RMND5A: variants seen among roughly 807,000 people sequenced by gnomAD.
RMND5A encodes the protein required for meiotic nuclear division 5 homolog A.
RMND5A carries 17 observed loss-of-function variants against 49.7 expected under a neutral mutation model. The ratio of observed to expected loss-of-function variants is 0.34; its 90% CI spans 0.23 to 0.51. The LOEUF (loss-of-function observed/expected upper bound fraction) is 0.51, where lower values mean the gene tolerates loss of function less well. RMND5A is among the 20% of genes least tolerant of loss of function. RMND5A has a pLI of 0.96. For missense variants in RMND5A, 255 were observed against 471.3 expected (o/e 0.54, Z 4.25); for synonymous variants, 156 against 167.7 (o/e 0.93, Z 0.54).
chr2:86,758,895 G>T (rs1247653851), intron 4 of RMND5A, among the ~76,000 whole-genome samples: 1 of 152,134 alleles, frequency 6.6e-6, no homozygotes, highest in Non-Finnish European at 1.5e-5. Context: ...TTAAGCATTT[G>T]ATTCATGTTA....
intron 2 of RMND5A, among the ~76,000 whole-genome samples, chr2:86,750,730 G>A (rs774913534): frequency 6.7e-5 from 10 of 148,388 alleles, no homozygotes; most frequent in African/African-American, 1.7e-4. Context: ...TGACACACAC[G>A]TTAGAGCTTT....
intron 1 of RMND5A, among the ~76,000 whole-genome samples, chr2:86,729,224 A>G (rs868088619): frequency 2.4e-4 from 37 of 152,360 alleles, no homozygotes; most frequent in African/African-American, 8.2e-4. Flanking sequence ...GACCAGACTC[A>G]TATTTGAAAG....
chr2:86,755,488 A>G (rs1681718177), intron 4 of RMND5A, among the ~76,000 whole-genome samples: 4 of 152,192 alleles, frequency 2.6e-5, no homozygotes, highest in Admixed American at 2.6e-4. Context: ...AGCAAATAAT[A>G]TTTGGGTTGT....
At chr2:86,760,672 G>A (rs570718075) in intron 4 of RMND5A, among the ~76,000 whole-genome samples, 28 of 152,308 alleles carry the variant, frequency 1.8e-4, no homozygotes, top group South Asian at 6.2e-4. Flanking sequence ...ATAAACCCAC[G>A]TGACATTTTA....
chr2:86,753,370 A>G, intron 3 of RMND5A, 88 bp from the exon 4 acceptor site: 2 of 732,680 alleles, frequency 2.7e-6, no homozygotes, highest in South Asian at 1.8e-5. Context: ...GGCTTGCCCC[A>G]TATTTTACAA....
At chr2:86,753,259 T>G (rs1052816356) in intron 3 of RMND5A, among the ~76,000 whole-genome samples, 199 bp from the exon 4 acceptor site, 7 of 152,178 alleles carry the variant, frequency 4.6e-5, no homozygotes, top group Non-Finnish European at 1.0e-4. Flanking sequence ...TTCCATTTGC[T>G]TATGTACCCT....
intron 6 of RMND5A, among the ~76,000 whole-genome samples, chr2:86,768,496 A>T (rs1672636724): frequency 6.6e-6 from 1 of 152,210 alleles, no homozygotes; most frequent in African/African-American, 2.4e-5. Context: ...GTTTACTGAC[A>T]TCAGCACCTG....
chr2:86,756,264 A>G (rs932368379), intron 4 of RMND5A, among the ~76,000 whole-genome samples: 9 of 152,094 alleles, frequency 5.9e-5, no homozygotes, highest in African/African-American at 1.9e-4. Flanking sequence ...ATGGTGGTGT[A>G]CGCCTGTAGT....
intron 8 of RMND5A, among the ~76,000 whole-genome samples, chr2:86,771,986 A>T (rs1454992596): frequency 6.6e-6 from 1 of 152,218 alleles, no homozygotes; most frequent in South Asian, 2.1e-4. Flanking sequence ...GCATACTAAA[A>T]AATGTTCTGT....
intron 2 of RMND5A, 94 bp from the exon 3 acceptor site, chr2:86,751,802 G>T: frequency 2.5e-6 from 3 of 1,190,318 alleles, no homozygotes; most frequent in Non-Finnish European, 3.5e-6. Context: ...GGTTCTTATT[G>T]GGGTATCTCA....
rs957408680 is a variant in RMND5A at position 86,773,218 on chromosome 2, A to G, written c.1113-130A>G. 3.2e-5 allele frequency: 15 copies of G among 473,888 alleles called. No homozygotes were observed. In the East Asian group the frequency reaches 4.5e-4, roughly 14 times the overall value. The allele number at this position is 473,888 out of a possible 1,614,324, so 29.4% of individuals were successfully genotyped here. A position where few individuals can be genotyped will look rare whatever the true frequency, so the allele number is the denominator to read the frequency against. Reference sequence around the variant, plus strand: ...GCATAGTTCATCCTCAAAGCAAAATACAAACAGACTTGTTTTTGTGTGTTC... The same window carrying G: ...GCATAGTTCATCCTCAAAGCAAAATGCAAACAGACTTGTTTTTGTGTGTTC... On this transcript the variant is annotated intron_variant, in intron 8 of 8. Coordinates refer to ENST00000283632, the MANE Select transcript of RMND5A (RefSeq NM_022780.4).
At chr2:86,763,730 T>G (rs1672544478) in intron 4 of RMND5A, among the ~76,000 whole-genome samples, 1 of 151,808 alleles carries the variant, frequency 6.6e-6, no homozygotes, top group African/African-American at 2.4e-5. Flanking sequence ...GAGCCACGAT[T>G]ACACTACTGC....
At chr2:86,758,837 A>G (rs1681792839) in intron 4 of RMND5A, among the ~76,000 whole-genome samples, 1 of 152,166 alleles carries the variant, frequency 6.6e-6, no homozygotes, top group South Asian at 2.1e-4. Flanking sequence ...AGAGTTCCTC[A>G]CTTTTTTGAC....
intron 8 of RMND5A, among the ~76,000 whole-genome samples, chr2:86,771,929 A>G (rs1672691668): frequency 6.6e-6 from 1 of 152,178 alleles, no homozygotes; most frequent in African/African-American, 2.4e-5. Context: ...CTTTAACTTA[A>G]CTTTTGGGGT....
intron 2 of RMND5A, among the ~76,000 whole-genome samples, chr2:86,751,302 A>G (rs1194275387): frequency 6.6e-6 from 1 of 152,186 alleles, no homozygotes; most frequent in Non-Finnish European, 1.5e-5. Context: ...CTGGTAGCCA[A>G]TATGGGACCT....
chr2:86,746,337 G>A lies in RMND5A; in HGVS notation c.285+5268G>A, dbSNP rs187750273. Among the ~76,000 whole-genome samples, 123 of 152,298 alleles carry A rather than the reference G, an allele frequency of 8.1e-4. 1 individual carries two copies. Among genetic ancestry groups the A allele is most frequent in the African/African-American group, 2.8e-3 (117 of 41,564 alleles). On this transcript the variant is annotated intron_variant, in intron 2 of 8. Coordinates refer to ENST00000283632, the MANE Select transcript of RMND5A (RefSeq NM_022780.4). Reference sequence around the variant, plus strand: ...AATAAGGATTCTTTTAAATACAGAAGCAGAAGGTTTGGTGGCAACCTGGCC... The same window carrying A: ...AATAAGGATTCTTTTAAATACAGAAACAGAAGGTTTGGTGGCAACCTGGCC...
At chr2:86,734,800 G>T (rs1450083289) in intron 1 of RMND5A, among the ~76,000 whole-genome samples, 1 of 149,284 alleles carries the variant, frequency 6.7e-6, no homozygotes, top group East Asian at 1.9e-4. Flanking sequence ...TCTGCTGGTT[G>T]TAGAAATAAA....
Position 86,765,038 on chromosome 2 carries a change from C to A in RMND5A, c.533C>A (p.Ser178Ter). 6.2e-7 allele frequency: 1 copy of A among 1,604,164 alleles called. No homozygotes were observed. Among genetic ancestry groups the A allele is most frequent in the South Asian group, 1.1e-5 (1 of 89,042 alleles). ...VLRPALEWAV[S>*]NREMLIAQNS... is the part of the protein sequence containing the mutation. ...TGCCTTTTCTTTAGGTGGGCAGTGT[C>A]AAACCGGGAAATGCTTATAGCTCAA... Residue 178 changes from serine to a stop codon, truncating the protein, a stop_gained, in exon 5 of 9, where the codon TCA (serine) becomes TAA (stop). Transcript: ENST00000283632. LOFTEE classifies it high-confidence loss of function.
chr2:86,756,103 A>G (rs1681734995), intron 4 of RMND5A, among the ~76,000 whole-genome samples: 1 of 152,144 alleles, frequency 6.6e-6, no homozygotes, highest in Non-Finnish European at 1.5e-5. Flanking sequence ...TATTAAGTGT[A>G]TCATCAAGCC....
Sources: allele counts gnomAD v4.1 joint callset (sites outside exome capture counted in the v4.1 genomes callset), GRCh38; gene constraint gnomAD v4.1.1; transcripts MANE v1.5; gene names NCBI Gene and HGNC (gene_info 2026-07-23, HGNC 2026-07-21).